Variants in CFAP299 observed in about 807,000 individuals in gnomAD.
CFAP299 encodes cilia and flagella associated protein 299.
In CFAP299, 21 loss-of-function variants were observed where a neutral mutation model predicts 27.0. The ratio of observed to expected loss-of-function variants is 0.78; its 90% confidence interval spans 0.55 to 1.12. CFAP299 has a LOEUF of 1.12. Among genes scored for constraint, CFAP299 ranks in the 50% most tolerant of loss-of-function variants. CFAP299 has a pLI of 0.00. For missense variants in CFAP299, 310 were observed against 276.6 expected (o/e 1.12, Z -0.86); for synonymous variants, 104 against 98.1 (o/e 1.06, Z -0.36).
chr4:80,380,876 C>T (rs1311108242), intron 2 of CFAP299, among the ~76,000 whole-genome samples: 1 of 152,132 alleles, frequency 6.6e-6, no homozygotes, highest in African/African-American at 2.4e-5. Flanking sequence ...AGAGTTTATG[C>T]ATTTCTTAAA....
At chr4:80,834,712 T>C (rs1331199404) in intron 3 of CFAP299, among the ~76,000 whole-genome samples, 1 of 152,190 alleles carries the variant, frequency 6.6e-6, no homozygotes, top group Non-Finnish European at 1.5e-5. Context: ...CTAATCCTGG[T>C]AGTCGGCGGA....
At chr4:80,540,420 T>C (rs1041585626) in intron 2 of CFAP299, among the ~76,000 whole-genome samples, 4 of 152,332 alleles carry the variant, frequency 2.6e-5, no homozygotes, top group Non-Finnish European at 5.9e-5. Flanking sequence ...GTAAATAATG[T>C]TACAAGAGTA....
intron 3 of CFAP299, among the ~76,000 whole-genome samples, chr4:80,602,996 G>A (rs1560649954): frequency 6.6e-6 from 1 of 152,050 alleles, no homozygotes; most frequent in Non-Finnish European, 1.5e-5. Flanking sequence ...ATGAGGTGCT[G>A]GCGGTGTGTG....
intron 2 of CFAP299, among the ~76,000 whole-genome samples, chr4:80,454,574 A>G (rs946151756): frequency 1.3e-5 from 2 of 152,182 alleles, no homozygotes; most frequent in Admixed American, 6.5e-5. Flanking sequence ...CTTGTTCCTA[A>G]ATATGTAAAG....
At chr4:80,526,516 C>T (rs1479106204) in intron 2 of CFAP299, among the ~76,000 whole-genome samples, 1 of 151,944 alleles carries the variant, frequency 6.6e-6, no homozygotes, top group Non-Finnish European at 1.5e-5. Flanking sequence ...TTTTTCTTAA[C>T]AATTAAGAAG....
intron 3 of CFAP299, among the ~76,000 whole-genome samples, chr4:80,733,846 T>G (rs1723690369): frequency 6.6e-6 from 1 of 152,172 alleles, no homozygotes; most frequent in South Asian, 2.1e-4. Flanking sequence ...AAGTACTACA[T>G]TTTCCTTATC....
intron 4 of CFAP299, among the ~76,000 whole-genome samples, chr4:80,906,131 A>G (rs2101841): frequency 0.31 from 46,629 of 152,118 alleles, 10,637 homozygotes; most frequent in African/African-American, 0.64. Context: ...AAATATACCC[A>G]TTCCATATGG....
intron 4 of CFAP299, among the ~76,000 whole-genome samples, chr4:80,924,129 A>G (rs1441770942): frequency 6.6e-6 from 1 of 151,980 alleles, no homozygotes; most frequent in African/African-American, 2.4e-5. Context: ...GAAATGTTCC[A>G]TGAAACATTT....
At chr4:80,932,881 A>G (rs1009421701) in intron 4 of CFAP299, among the ~76,000 whole-genome samples, 2 of 152,172 alleles carry the variant, frequency 1.3e-5, no homozygotes, top group Non-Finnish European at 2.9e-5. Context: ...AGTTTGGAAA[A>G]TAAAATTATA....
At chr4:80,478,800 A>T (rs1407571141) in intron 2 of CFAP299, among the ~76,000 whole-genome samples, 15 of 148,902 alleles carry the variant, frequency 1.0e-4, no homozygotes, top group South Asian at 2.1e-4. Flanking sequence ...TTTTTTTTTT[A>T]AAGTCGTATT....
chr4:80,849,945 A>T (rs756897231), intron 3 of CFAP299, among the ~76,000 whole-genome samples: 1 of 152,204 alleles, frequency 6.6e-6, no homozygotes, highest in African/African-American at 2.4e-5. Flanking sequence ...TCATTACACA[A>T]TGTATACATA....
At chr4:80,954,994 C>A (rs1422503894) in intron 5 of CFAP299, among the ~76,000 whole-genome samples, 3 of 66,072 alleles carry the variant, frequency 4.5e-5, no homozygotes, top group Admixed American at 5.5e-4. Flanking sequence ...AGCAAGACTC[C>A]ATCAAAAAAA....
chr4:80,938,230 C>G (rs1737014438), intron 4 of CFAP299, among the ~76,000 whole-genome samples: 1 of 152,102 alleles, frequency 6.6e-6, no homozygotes, highest in Non-Finnish European at 1.5e-5. Context: ...ATATACTGGC[C>G]CCAAAACGGG....
chr4:80,440,348 G>A (rs973212533), intron 2 of CFAP299, among the ~76,000 whole-genome samples: 1 of 151,516 alleles, frequency 6.6e-6, no homozygotes, highest in African/African-American at 2.4e-5. Context: ...GATGCTTCCA[G>A]AGGAAGGAGC....
At chr4:80,852,157 C>A (rs1438207737) in intron 3 of CFAP299, among the ~76,000 whole-genome samples, 1 of 152,126 alleles carries the variant, frequency 6.6e-6, no homozygotes, top group Admixed American at 6.6e-5. Context: ...TCTCTTTATT[C>A]TTTCTTGCCC....
chr4:80,870,853 C>T, intron 4 of CFAP299: 2 of 985,144 alleles, frequency 2.0e-6, no homozygotes, highest in Non-Finnish European at 2.4e-6. Flanking sequence ...TGCCTGTTAT[C>T]CTCTATCCAC....
chr4:80,483,504 A>G (rs757520276), intron 2 of CFAP299, among the ~76,000 whole-genome samples: 26 of 152,158 alleles, frequency 1.7e-4, no homozygotes, highest in Admixed American at 6.5e-5. Context: ...TTTTGTTTTC[A>G]TTATAACCAT....
intron 2 of CFAP299, among the ~76,000 whole-genome samples, chr4:80,440,481 G>A (rs927281703): frequency 6.6e-6 from 1 of 152,182 alleles, no homozygotes; most frequent in Non-Finnish European, 1.5e-5. Flanking sequence ...TAGAAGGAAA[G>A]CTAACAAACA....
chr4:80,828,509 G>C (rs1212511065), intron 3 of CFAP299, among the ~76,000 whole-genome samples: 1 of 152,030 alleles, frequency 6.6e-6, no homozygotes, highest in Non-Finnish European at 1.5e-5. Flanking sequence ...CTTGGTAGGA[G>C]GTGTTTGGAT....
Sources: allele counts gnomAD v4.1 joint callset (sites outside exome capture counted in the v4.1 genomes callset), GRCh38; gene constraint gnomAD v4.1.1; transcripts MANE v1.5; gene names NCBI Gene and HGNC (gene_info 2026-07-23, HGNC 2026-07-21).